ARHGAP23: variants seen among roughly 807,000 people sequenced by gnomAD.
ARHGAP23 encodes Rho GTPase activating protein 23, also known as rho GTPase-activating protein 23.
A neutral mutation model predicts 136.3 loss-of-function variants in ARHGAP23; 34 were observed. That is an observed-to-expected ratio of 0.25 (90% CI 0.19 to 0.33). The LOEUF (loss-of-function observed/expected upper bound fraction) is 0.33, where lower values mean the gene tolerates loss of function less well. Among genes scored for constraint, ARHGAP23 ranks in the 10% least tolerant of loss-of-function variants. The probability of loss-of-function intolerance (pLI) is 1.00; values close to 1 mark genes in which losing one functional copy is unlikely to be tolerated. For missense variants in ARHGAP23, 1,808 were observed against 2,139.0 expected (o/e 0.85, Z 3.05); for synonymous variants, 832 against 920.5 (o/e 0.90, Z 1.74).
chr17:38,496,917 C>T (rs1318959500), intron 20 of ARHGAP23, among the ~76,000 whole-genome samples: 1 of 151,122 alleles, frequency 6.6e-6, no homozygotes, highest in Non-Finnish European at 1.5e-5. Context: ...TGCACCACTG[C>T]ACTCCAGCCT....
chr17:38,469,925 T>TGC lies in ARHGAP23; in HGVS notation c.1974+23_1974+24dup, dbSNP rs959535623. Reference sequence around the variant, plus strand: ...ACGGGGTGAGAGCTGCAAGTGTGTGTGCGTGCGCAGGAGCGAGGGTGTGGG... The same window carrying TGC: ...ACGGGGTGAGAGCTGCAAGTGTGTGTGCGCGTGCGCAGGAGCGAGGGTGTGGG... On this transcript the variant is annotated intron_variant, in intron 10 of 23. Transcript: ENST00000622683. 5.8e-6 allele frequency: 9 copies of TGC among 1,551,320 alleles called. No homozygotes were observed. The Admixed American group carries it at 1.6e-4, about 27-fold the overall frequency.
chr17:38,438,244 C>T lies in ARHGAP23; in HGVS notation c.63+9696C>T, dbSNP rs539350735. On this transcript the variant is annotated intron_variant, in intron 1 of 23. Transcript: ENST00000622683. ...GCTGAGGCAGGAGAATCACTTGAAC[C>T]TGGGAGGTGGAAGTTGCAGCGAGCC... Among the ~76,000 whole-genome samples the T allele has an allele frequency of 7.4e-4, 109 of 146,688 alleles. 1 individual carries two copies. In the Middle Eastern group the frequency reaches 0.011, roughly 15 times the overall value.
At chr17:38,491,830 A>G in intron 20 of ARHGAP23, 1 of 426,770 alleles carries the variant, frequency 2.3e-6, no homozygotes, top group East Asian at 3.8e-5. Context: ...AGGGCAGGGA[A>G]GGTGCTACTG....
intron 17 of ARHGAP23, 23 bp from the exon 18 acceptor site, chr17:38,490,079 A>G: frequency 9.0e-6 from 14 of 1,550,766 alleles, no homozygotes; most frequent in African/African-American, 1.4e-5. Context: ...CCACCTCTCT[A>G]AAGAGTCTCC....
intron 22 of ARHGAP23, among the ~76,000 whole-genome samples, chr17:38,499,213 C>T (rs1245737201): frequency 6.6e-5 from 10 of 152,230 alleles, no homozygotes; most frequent in Admixed American, 4.6e-4. Flanking sequence ...TTGCTGCCCT[C>T]CTGCAGTGCC....
intron 20 of ARHGAP23, among the ~76,000 whole-genome samples, chr17:38,496,717 G>T (rs1261014815): frequency 1.3e-5 from 2 of 152,170 alleles, no homozygotes; most frequent in African/African-American, 2.4e-5. Flanking sequence ...ACTTTGGGAG[G>T]TGGAGGTGGG....
Position 38,510,838 on chromosome 17 carries a change from A to G in ARHGAP23, c.4342A>G (p.Ser1448Gly), listed in dbSNP as rs1232221457. The G allele has an allele frequency of 8.0e-6, 12 of 1,508,220 alleles. No individual in the cohort carries two copies. The allele number at this position is 1,508,220 out of a possible 1,614,324, so 93.4% of individuals were successfully genotyped here. A position where few individuals can be genotyped will look rare whatever the true frequency, so the allele number is the denominator to read the frequency against. Residue 1448 changes from serine to glycine, a missense_variant, in exon 24 of 24, where the codon AGC (serine) becomes GGC (glycine). Coordinates refer to ENST00000622683, the MANE Select transcript of ARHGAP23 (RefSeq NM_001199417.2). This position sits in a 1 kb window ranked among gnomAD's most constrained non-coding sequence, Gnocchi z 4.6. Reference protein sequence around the residue: ...AHSDNKDSGLSSLESTKARAP... With the variant: ...AHSDNKDSGLGSLESTKARAP... Reference sequence around the variant, plus strand: ...CAGTGACAACAAGGACTCCGGACTCAGCAGCCTGGAGTCCACCAAGGCGCG... The same window carrying G: ...CAGTGACAACAAGGACTCCGGACTCGGCAGCCTGGAGTCCACCAAGGCGCG...
chr17:38,511,105 GTC>G lies in ARHGAP23; in HGVS notation c.*137_*138del. 1.0e-6 allele frequency: 1 copy of G among 974,586 alleles called. No individual in the cohort carries two copies. The highest frequency in any genetic ancestry group is 3.3e-5 in the East Asian group (1 of 30,200). The allele number at this position is 974,586 out of a possible 1,614,324, so 60.4% of individuals were successfully genotyped here. A position where few individuals can be genotyped will look rare whatever the true frequency, so the allele number is the denominator to read the frequency against. Reference sequence around the variant, plus strand: ...GTGGGTGGAGGGCGCAGCAGGCAGTGTCTCTAGTTGGTGTGCTGGAACTGGCA... The same window carrying G: ...GTGGGTGGAGGGCGCAGCAGGCAGTGTCTAGTTGGTGTGCTGGAACTGGCA... On this transcript the variant is annotated 3_prime_UTR_variant, in exon 24 of 24. Coordinates refer to ENST00000622683, the MANE Select transcript of ARHGAP23 (RefSeq NM_001199417.2).
intron 22 of ARHGAP23, 35 bp from the exon 23 acceptor site, chr17:38,500,562 C>G: frequency 6.5e-7 from 1 of 1,545,420 alleles, no homozygotes; most frequent in Non-Finnish European, 8.7e-7. Flanking sequence ...TTTCCTGATG[C>G]AACTTTCATT....
chr17:38,428,381 G>T (rs1199931900), upstream of ARHGAP23: 10 of 402,090 alleles, frequency 2.5e-5, no homozygotes, highest in Admixed American at 5.1e-4. Flanking sequence ...ACCCCGGGGG[G>T]GGCCCCCCCA....
At chr17:38,484,534 G>A (rs1204248298) in intron 16 of ARHGAP23, among the ~76,000 whole-genome samples, 1 of 152,184 alleles carries the variant, frequency 6.6e-6, no homozygotes, top group Non-Finnish European at 1.5e-5. Context: ...GACAGAAGGA[G>A]AGGGCCGCCA....
chr17:38,498,805 G>T, intron 22 of ARHGAP23: 1 of 668,882 alleles, frequency 1.5e-6, no homozygotes, highest in Non-Finnish European at 2.7e-6. Flanking sequence ...GGCTGGCTGT[G>T]TCCTTCTGGG....
Position 38,482,651 on chromosome 17 carries a change from G to T in ARHGAP23, c.2880G>T (p.Gly960=). 4 of 1,548,960 alleles carry T rather than the reference G, an allele frequency of 2.6e-6. No homozygotes were observed. Among genetic ancestry groups the T allele is most frequent in the Non-Finnish European group, 3.5e-6 (4 of 1,146,436 alleles). ...VSSLQEQLNR[G]PGDINLQDER... ...GCCTACAGGAGCAGCTCAACCGCGG[G>T]CCTGGTGACATCAACCTGCAGGATG... The change falls in exon 16 of 24, where the codon GGG becomes GGT. Residue 960 remains glycine (G), a synonymous_variant. Transcript: ENST00000622683.
intron 6 of ARHGAP23, among the ~76,000 whole-genome samples, chr17:38,465,788 G>C (rs1039038678): frequency 2.0e-5 from 3 of 150,816 alleles, no homozygotes; most frequent in Non-Finnish European, 4.4e-5. Context: ...TCTCGGTGGG[G>C]TTTTCCGGCT....
intron 23 of ARHGAP23, among the ~76,000 whole-genome samples, chr17:38,506,694 C>A (rs9915471): frequency 6.6e-6 from 1 of 152,054 alleles, no homozygotes; most frequent in African/African-American, 2.4e-5. Context: ...TTCTAATAAC[C>A]GCACTAATCC....
In ARHGAP23 at chr17:38,481,881, A is replaced by T. The variant is rs572134156; in HGVS notation, c.2630-141A>T. 2.8e-5 allele frequency: 24 copies of T among 850,360 alleles called. No individual in the cohort carries two copies. In the East Asian group the frequency reaches 7.8e-4, roughly 28 times the overall value. 52.7% of individuals were successfully genotyped at this position (850,360 alleles called of 1,614,324 possible). On this transcript the variant is annotated intron_variant, in intron 14 of 23. Transcript: ENST00000622683. ...TCCCCTTCAGGCCTTCTCTCTTGCC[A>T]TACAATGTCCCATCAGCCCTGGGCA... is the stretch of plus-strand genomic sequence containing the variant.
chr17:38,462,810 C>A, intron 3 of ARHGAP23, 36 bp from the exon 4 acceptor site: 1 of 1,441,320 alleles, frequency 6.9e-7, no homozygotes, highest in African/African-American at 1.4e-5. Context: ...TGACCTTCCC[C>A]AGCCACCCCC....
chr17:38,479,876 G>A lies in ARHGAP23; in HGVS notation c.2622G>A (p.Gly874=). The A allele has an allele frequency of 6.7e-7, 1 of 1,494,108 alleles. No homozygotes were observed. The highest frequency in any genetic ancestry group is 9.0e-7 in the Non-Finnish European group (1 of 1,112,528). The allele number at this position is 1,494,108 out of a possible 1,614,324, so 92.6% of individuals were successfully genotyped here. The change falls in exon 14 of 24, where the codon GGG becomes GGA. Residue 874 remains glycine (G), a synonymous_variant. Coordinates refer to ENST00000622683, the MANE Select transcript of ARHGAP23 (RefSeq NM_001199417.2). Reference sequence around the variant, plus strand: ...TCAGGACTCAGGACCTGCCCGCAGGGAGCAAGGGTAGGAAGGTGGCCACTG... The same window carrying A: ...TCAGGACTCAGGACCTGCCCGCAGGAAGCAAGGGTAGGAAGGTGGCCACTG... ...RGLRTQDLPA[G]SKDDSAAAPK... is the part of the protein sequence containing the mutation.
At chr17:38,453,072 C>G (rs908428958) in intron 1 of ARHGAP23, among the ~76,000 whole-genome samples, 5 of 152,150 alleles carry the variant, frequency 3.3e-5, no homozygotes, top group African/African-American at 9.7e-5. Flanking sequence ...GCAGTGTGTG[C>G]GTGGCATCTG....
Sources: gnomAD v4.1 joint callset for allele counts (sites outside exome capture counted in the v4.1 genomes callset) on GRCh38, gnomAD v4.1.1 for gene constraint, Gnocchi (gnomAD v3.1) non-coding constraint, MANE v1.5 for transcripts, NCBI Gene and HGNC (gene_info 2026-07-23, HGNC 2026-07-21) for gene names.